FBLN5: variants seen among roughly 807,000 people sequenced by gnomAD.
FBLN5 encodes the protein fibulin-5.
In FBLN5, 24 loss-of-function variants were observed where a neutral mutation model predicts 61.6. The observed-to-expected ratio is 0.39, with a 90% CI of 0.28 to 0.55. FBLN5 has a LOEUF of 0.55. Ranked by LOEUF, FBLN5 falls within the 20% of genes least tolerant of loss-of-function variation. The pLI, the probability that FBLN5 is intolerant of heterozygous loss-of-function variation, is 0.65. For synonymous variants in FBLN5, 213 were observed against 219.8 expected, an observed-to-expected ratio of 0.97 and a Z score of 0.27; for missense variants, 470 against 594.1, an observed-to-expected ratio of 0.79 and a Z score of 2.17.
intron 7 of FBLN5, among the ~76,000 whole-genome samples, chr14:91,886,622 A>G (rs1229107840): frequency 6.6e-6 from 1 of 152,248 alleles, no homozygotes; most frequent in Non-Finnish European, 1.5e-5. Context: ...TCATTCATTC[A>G]ACATTCAATC....
chr14:91,903,070 T>C (rs1890526441), intron 4 of FBLN5, among the ~76,000 whole-genome samples: 1 of 152,000 alleles, frequency 6.6e-6, no homozygotes, highest in Non-Finnish European at 1.5e-5. Context: ...TACCCCTGTA[T>C]CTCAAATAAA....
chr14:91,885,401 A>G (rs1242042760), intron 7 of FBLN5, among the ~76,000 whole-genome samples: 3 of 152,176 alleles, frequency 2.0e-5, no homozygotes, highest in African/African-American at 4.8e-5. Context: ...ACTGTGTCCA[A>G]AAAAAACCTC....
rs370036420 is a variant in FBLN5, at chr14:91,940,529, C to T, written c.124+36G>A. On this transcript the variant is annotated intron_variant, in intron 3 of 10. Transcript: ENST00000342058. ...AATAGCACTGCAACTGGGCTGAATG[C>T]CTCCACCCCAATGAAGGATCCACAG... The T allele has an allele frequency of 8.9e-6, 14 of 1,570,956 alleles. No homozygotes were observed. In the African/African-American group the frequency reaches 1.3e-4, roughly 15 times the overall value.
At chr14:91,903,680 G>A (rs2300137) in intron 4 of FBLN5, among the ~76,000 whole-genome samples, 64,516 of 151,916 alleles carry the variant, frequency 0.42, 13,884 homozygotes, top group Middle Eastern at 0.59. Context: ...GCCCTGTCTC[G>A]GTTAACAGTG....
chr14:91,939,857 T>C (rs571807320), intron 3 of FBLN5: 24 of 433,616 alleles, frequency 5.5e-5, no homozygotes, highest in African/African-American at 3.3e-4. Context: ...GACCTTGAGA[T>C]GGGGAGGTTA....
At position 91,870,032 on chromosome 14, in the gene FBLN5, G is replaced by T; in HGVS notation, c.*192C>A. 2 of 641,678 alleles carry T rather than the reference G, an allele frequency of 3.1e-6. No individual in the cohort carries two copies. Among genetic ancestry groups the T allele is most frequent in the Non-Finnish European group, 5.7e-6 (2 of 352,374 alleles). The allele number at this position is 641,678 out of a possible 1,614,324, so 39.7% of individuals were successfully genotyped here. ...GATAACTGTGTCATAGGAACTGGGGGTGGCAAGTCCTGCAGGGTGACAGGT... is the reference window on the plus strand; with the variant it reads ...GATAACTGTGTCATAGGAACTGGGGTTGGCAAGTCCTGCAGGGTGACAGGT... On this transcript the variant is annotated 3_prime_UTR_variant, in exon 11 of 11. Coordinates refer to ENST00000342058, the MANE Select transcript of FBLN5 (RefSeq NM_006329.4).
rs1342368062 is a variant in FBLN5 at position 91,870,399 on chromosome 14, CGG to C, written c.1186-16_1186-15del. 6.2e-7 allele frequency: 1 copy of C among 1,613,096 alleles called. No homozygotes were observed. The highest frequency in any genetic ancestry group is 2.2e-5 in the East Asian group (1 of 44,882). ...GGGGCCCGTTTGCTATGGACAGAAC[CGG>C]GGAACACCAGTGAGAAAAGGCCTGC... On this transcript the variant is annotated splice_polypyrimidine_tract_variant and intron_variant, in intron 10 of 10. Coordinates refer to ENST00000342058, the MANE Select transcript of FBLN5 (RefSeq NM_006329.4).
In FBLN5 at chr14:91,943,104, G is replaced by C. The variant is rs541703068; in HGVS notation, c.18-143C>G. The C allele has an allele frequency of 4.4e-5, 31 of 700,122 alleles. No individual in the cohort carries two copies. In the South Asian group the frequency reaches 4.4e-4, roughly 10 times the overall value. 43.4% of individuals were successfully genotyped at this position (700,122 alleles called of 1,614,324 possible). On this transcript the variant is annotated intron_variant, in intron 1 of 10. Coordinates refer to ENST00000342058, the MANE Select transcript of FBLN5 (RefSeq NM_006329.4). The surrounding 1 kb of genome is among the most constrained non-coding windows in gnomAD (Gnocchi z 4.0). ...GGGTGTGCTCCAGGGAGGTCATGGT[G>C]GTTCCAGACACCGCGACCACCCAAG... is the stretch of plus-strand genomic sequence containing the variant.
At chr14:91,930,034 C>T (rs887996313) in intron 4 of FBLN5, among the ~76,000 whole-genome samples, 7 of 152,192 alleles carry the variant, frequency 4.6e-5, no homozygotes, top group East Asian at 3.9e-4. Context: ...ACTCCCTAAA[C>T]GACACACACT....
intron 4 of FBLN5, among the ~76,000 whole-genome samples, chr14:91,895,497 GAAGTA>G (rs1210645910): frequency 3.3e-5 from 5 of 152,100 alleles, no homozygotes; most frequent in Non-Finnish European, 7.4e-5. Context: ...GAACAAAACA[GAAGTA>G]AAGGAAATGT....
intron 4 of FBLN5, among the ~76,000 whole-genome samples, chr14:91,913,497 G>C (rs1891048681): frequency 6.6e-6 from 1 of 152,206 alleles, no homozygotes. Flanking sequence ...CCCACTCAGT[G>C]CCTGTTTTCC....
intron 4 of FBLN5, among the ~76,000 whole-genome samples, chr14:91,902,304 A>G (rs1890494440): frequency 6.7e-6 from 1 of 149,890 alleles, no homozygotes; most frequent in South Asian, 2.1e-4. Context: ...TTTTTTCAAA[A>G]AGCCATGAGG....
chr14:91,894,417 A>AC (rs1420660021), intron 5 of FBLN5, among the ~76,000 whole-genome samples: 10 of 147,962 alleles, frequency 6.8e-5, no homozygotes, highest in African/African-American at 2.5e-4. Context: ...AAAAAAAAAA[A>AC]AAAAAAAAAA....
At chr14:91,903,622 C>T (rs750922660) in intron 4 of FBLN5, among the ~76,000 whole-genome samples, 1 of 152,094 alleles carries the variant, frequency 6.6e-6, no homozygotes, top group Non-Finnish European at 1.5e-5. Context: ...AGTCTGTGAA[C>T]TCCTTGCCCC....
chr14:91,907,033 C>G (rs1254999425), intron 4 of FBLN5, among the ~76,000 whole-genome samples: 1 of 152,196 alleles, frequency 6.6e-6, no homozygotes, highest in Non-Finnish European at 1.5e-5. Context: ...GAGTAGAAGA[C>G]ACCACATGGA....
intron 4 of FBLN5, 105 bp from the exon 5 acceptor site, chr14:91,895,177 G>A (rs1352586517): frequency 2.9e-6 from 4 of 1,396,020 alleles, no homozygotes; most frequent in Non-Finnish European, 4.0e-6. Flanking sequence ...AGTTAATAAG[G>A]TCACTAGGTT....
At chr14:91,936,719 A>C (rs1158949481) in intron 4 of FBLN5, among the ~76,000 whole-genome samples, 1 of 152,216 alleles carries the variant, frequency 6.6e-6, no homozygotes, top group Non-Finnish European at 1.5e-5. Flanking sequence ...TAAAGAAAAA[A>C]ATTGGTTTTC....
chr14:91,906,331 G>C (rs1453431153), intron 4 of FBLN5, among the ~76,000 whole-genome samples: 1 of 152,114 alleles, frequency 6.6e-6, no homozygotes, highest in Non-Finnish European at 1.5e-5. Context: ...TGGAGGCTAC[G>C]ACCCAACAGG....
At chr14:91,909,523 G>A (rs562569879) in intron 4 of FBLN5, among the ~76,000 whole-genome samples, 12 of 152,176 alleles carry the variant, frequency 7.9e-5, no homozygotes, top group East Asian at 3.9e-4. Context: ...TTCTTAGGTC[G>A]ATTACAGCTG....
Sources: allele counts gnomAD v4.1 joint callset (sites outside exome capture counted in the v4.1 genomes callset), GRCh38; gene constraint gnomAD v4.1.1; non-coding constraint Gnocchi (gnomAD v3.1); transcripts MANE v1.5; gene names NCBI Gene and HGNC (gene_info 2026-07-23, HGNC 2026-07-21).